TOX3: variants seen among roughly 807,000 people sequenced by gnomAD.
TOX3 encodes TOX high mobility group box family member 3.
Under a neutral mutation model 64.3 loss-of-function variants are expected in TOX3, and 22 were observed. That is an observed-to-expected ratio of 0.34 (90% CI 0.24 to 0.49). TOX3 has a LOEUF of 0.49. Ranked by LOEUF, TOX3 falls within the 20% of genes least tolerant of loss-of-function variation. The pLI, the probability that TOX3 is intolerant of heterozygous loss-of-function variation, is 0.99. For synonymous variants in TOX3, 291 were observed against 273.6 expected, an observed-to-expected ratio of 1.06 and a Z score of -0.63; for missense variants, 661 against 714.4, an observed-to-expected ratio of 0.93 and a Z score of 0.85.
chr16:52,499,194 A>G (rs1961937491), intron 1 of TOX3, among the ~76,000 whole-genome samples: 1 of 152,200 alleles, frequency 6.6e-6, no homozygotes, highest in Admixed American at 6.5e-5. Flanking sequence ...CAGGGGAAAA[A>G]TTAGAAAGCC....
intron 1 of TOX3, among the ~76,000 whole-genome samples, chr16:52,469,102 A>G (rs1019933205): frequency 6.6e-6 from 1 of 152,340 alleles, no homozygotes; most frequent in South Asian, 2.1e-4. Context: ...ATATTTTTAA[A>G]ATCTCCAAAC....
chr16:52,483,946 T>C (rs1178397824), intron 1 of TOX3, among the ~76,000 whole-genome samples: 1 of 152,160 alleles, frequency 6.6e-6, no homozygotes, highest in East Asian at 1.9e-4. Context: ...TAGCACTTAA[T>C]GTGGTTAACT....
chr16:52,461,859 C>A (rs181319018), intron 3 of TOX3, among the ~76,000 whole-genome samples: 1 of 152,204 alleles, frequency 6.6e-6, no homozygotes, highest in East Asian at 1.9e-4. Flanking sequence ...TATAGAAGAA[C>A]CCTGACATAA....
intron 1 of TOX3, among the ~76,000 whole-genome samples, chr16:52,535,369 G>T (rs1269122022): frequency 6.6e-6 from 1 of 152,180 alleles, no homozygotes; most frequent in African/African-American, 2.4e-5. Context: ...AAGCAAAGTG[G>T]CATGTGGCAG....
intron 4 of TOX3, among the ~76,000 whole-genome samples, chr16:52,447,807 A>G (rs1212696462): frequency 6.6e-6 from 1 of 152,184 alleles, no homozygotes; most frequent in Non-Finnish European, 1.5e-5. Flanking sequence ...TCAATGAAAA[A>G]CATTATTTAA....
chr16:52,539,316 G>T (rs1357594893), intron 1 of TOX3, among the ~76,000 whole-genome samples: 3 of 151,838 alleles, frequency 2.0e-5, no homozygotes, highest in Non-Finnish European at 2.9e-5. Flanking sequence ...TTATGTCATT[G>T]TTTTTAATGG....
At chr16:52,529,107 C>T (rs1446730990) in intron 1 of TOX3, among the ~76,000 whole-genome samples, 2 of 152,258 alleles carry the variant, frequency 1.3e-5, no homozygotes, top group Non-Finnish European at 2.9e-5. Flanking sequence ...GTCAGGAGGT[C>T]AACTTTCAGG....
rs1240696909 is a variant in TOX3, at chr16:52,538,636, T to TATTTA, written c.87+8000_87+8001insTAAAT. On this transcript the variant is annotated intron_variant, in intron 1 of 6. Coordinates refer to ENST00000219746, the MANE Select transcript of TOX3 (RefSeq NM_001080430.4). Reference sequence around the variant, plus strand: ...AGAATGAGTATATATCATTCAAATATGAATTTAGAGTAAAAACTCAAATGT... The same window carrying TATTTA: ...AGAATGAGTATATATCATTCAAATATATTTAGAATTTAGAGTAAAAACTCAAATGT... Among the ~76,000 whole-genome samples, 7 of 152,326 alleles carry TATTTA rather than the reference T, an allele frequency of 4.6e-5. No individual in the cohort carries two copies. The East Asian group carries it at 1.4e-3, about 29-fold the overall frequency.
At chr16:52,520,503 A>G (rs1393439459) in intron 1 of TOX3, among the ~76,000 whole-genome samples, 1 of 152,206 alleles carries the variant, frequency 6.6e-6, no homozygotes, top group African/African-American at 2.4e-5. Context: ...GTGTCTGCCA[A>G]ATTTCAGTTA....
At chr16:52,527,073 A>G (rs1596860594) in intron 1 of TOX3, among the ~76,000 whole-genome samples, 1 of 152,140 alleles carries the variant, frequency 6.6e-6, no homozygotes, top group Admixed American at 6.6e-5. Context: ...ATCTCTGTGC[A>G]CTCCATGCCA....
chr16:52,507,421 A>G (rs1012057996), intron 1 of TOX3, among the ~76,000 whole-genome samples: 3 of 152,316 alleles, frequency 2.0e-5, no homozygotes, highest in African/African-American at 4.8e-5. Context: ...ACATCTTTGC[A>G]TTAAAAAATG....
Position 52,546,703 on chromosome 16 carries a change from G to T in TOX3, c.21C>A (p.Pro7=). 1 of 1,539,278 alleles carries T rather than the reference G, an allele frequency of 6.5e-7. No individual in the cohort carries two copies. The highest frequency in any genetic ancestry group is 8.7e-7 in the Non-Finnish European group (1 of 1,146,746). MDVRFY[P]AAAGDPASLD... is the part of the protein sequence containing the mutation. ...GGCTGGCAGGGTCCCCGGCCGCCGC[G>T]GGGTAGAACCTCACATCCATGCCGA... Residue 7 remains proline (P), a synonymous_variant, in exon 1 of 7, where the codon CCC becomes CCA. Coordinates refer to ENST00000219746, the MANE Select transcript of TOX3 (RefSeq NM_001080430.4).
chr16:52,515,661 G>A (rs1239471197), intron 1 of TOX3, among the ~76,000 whole-genome samples: 2 of 152,188 alleles, frequency 1.3e-5, no homozygotes, highest in African/African-American at 2.4e-5. Context: ...TACTGCAAAC[G>A]ATTTAAGAGC....
chr16:52,521,569 C>G (rs1962610460), intron 1 of TOX3, among the ~76,000 whole-genome samples: 1 of 152,194 alleles, frequency 6.6e-6, no homozygotes, highest in Non-Finnish European at 1.5e-5. Flanking sequence ...GCCATCTGTG[C>G]CGATGACACT....
chr16:52,485,594 A>G (rs891157754), intron 1 of TOX3, among the ~76,000 whole-genome samples: 48 of 152,190 alleles, frequency 3.2e-4, no homozygotes, highest in African/African-American at 1.2e-3. Flanking sequence ...GTTGCAATAT[A>G]CCCATGAATA....
chr16:52,456,342 T>C (rs746871135), intron 3 of TOX3, among the ~76,000 whole-genome samples: 1 of 152,224 alleles, frequency 6.6e-6, no homozygotes, highest in African/African-American at 2.4e-5. Context: ...TTTCGAAGAA[T>C]ACCCAAAGAT....
At chr16:52,506,366 C>T (rs894089517) in intron 1 of TOX3, among the ~76,000 whole-genome samples, 4 of 152,100 alleles carry the variant, frequency 2.6e-5, no homozygotes, top group African/African-American at 4.8e-5. Context: ...GAGGATAGAA[C>T]GAGAAGGTAA....
intron 3 of TOX3, among the ~76,000 whole-genome samples, chr16:52,455,294 G>T (rs913918385): frequency 6.6e-6 from 1 of 152,006 alleles, no homozygotes; most frequent in Non-Finnish European, 1.5e-5. Context: ...ATGATCCTTT[G>T]TTGGGGGAGG....
chr16:52,519,391 A>C, intron 1 of TOX3: 2 of 1,550,804 alleles, frequency 1.3e-6, no homozygotes, highest in Non-Finnish European at 1.7e-6. Flanking sequence ...ACCTCACCAG[A>C]AGATTAGGTC....
Sources: allele counts gnomAD v4.1 joint callset (sites outside exome capture counted in the v4.1 genomes callset), GRCh38; gene constraint gnomAD v4.1.1; transcripts MANE v1.5; gene names NCBI Gene and HGNC (gene_info 2026-07-23, HGNC 2026-07-21).